The following VPS13B variants were observed in gnomAD, a reference collection of about 807,000 sequenced individuals.
The protein encoded by VPS13B is vacuolar protein sorting 13 homolog B, also known as intermembrane lipid transfer protein VPS13B.
In VPS13B, 285 loss-of-function variants were observed where a neutral mutation model predicts 426.4. The observed-to-expected ratio is 0.67, with a 90% CI of 0.61 to 0.74. VPS13B has a LOEUF of 0.74. Ranked by LOEUF, VPS13B falls within the 30% of genes least tolerant of loss-of-function variation. The pLI, the probability that VPS13B is intolerant of heterozygous loss-of-function variation, is 0.00. For missense variants in VPS13B, 4,537 were observed against 4,782.6 expected, an observed-to-expected ratio of 0.95 and a Z score of 1.51; for synonymous variants, 1,676 against 1,676.4, an observed-to-expected ratio of 1.00 and a Z score of 0.01.
rs535148400 is a variant in VPS13B at position 99,181,006 on chromosome 8, A to G, written c.2333+10843A>G. On this transcript the variant is annotated intron_variant, in intron 16 of 61. Transcript: ENST00000357162. ...AACTTTTCTGCTGTACAGCTTGACT[A>G]TATCCATCAAAATCTGTAAGCATGA... Among the ~76,000 whole-genome samples the G allele has an allele frequency of 4.6e-4, 70 of 152,330 alleles. 1 individual carries two copies. The highest frequency in any genetic ancestry group is 1.7e-3 in the African/African-American group (69 of 41,594).
chr8:99,763,761 AAG>A (rs1298713621), intron 39 of VPS13B, among the ~76,000 whole-genome samples: 3 of 152,196 alleles, frequency 2.0e-5, no homozygotes, highest in Non-Finnish European at 2.9e-5. Context: ...AAAGCAAGAA[AAG>A]AGAGAATTTC....
At chr8:99,263,828 T>TG (rs1004575080) in intron 17 of VPS13B, among the ~76,000 whole-genome samples, 16 of 152,214 alleles carry the variant, frequency 1.1e-4, no homozygotes, top group African/African-American at 1.9e-4. Flanking sequence ...TGAACATCTT[T>TG]GGGGGGGACC....
chr8:99,333,462 G>A (rs1372099844), intron 19 of VPS13B, among the ~76,000 whole-genome samples: 1 of 151,746 alleles, frequency 6.6e-6, no homozygotes, highest in African/African-American at 2.4e-5. Context: ...CCAGGATACT[G>A]ACATTGATAC....
chr8:99,386,938 C>T (rs1814158125), intron 20 of VPS13B, among the ~76,000 whole-genome samples: 1 of 152,114 alleles, frequency 6.6e-6, no homozygotes, highest in South Asian at 2.1e-4. Context: ...CACTGTACTC[C>T]AGCCTGGGCA....
At chr8:99,055,431 A>G (rs959180906) in intron 3 of VPS13B, among the ~76,000 whole-genome samples, 1 of 152,180 alleles carries the variant, frequency 6.6e-6, no homozygotes, top group Admixed American at 6.5e-5. Flanking sequence ...TCAAAAGGCC[A>G]TTGGAATTAT....
chr8:99,086,881 C>G (rs930292902), intron 3 of VPS13B, among the ~76,000 whole-genome samples: 1 of 152,148 alleles, frequency 6.6e-6, no homozygotes, highest in African/African-American at 2.4e-5. Context: ...GGGGGTGCCT[C>G]CCAGTTAGGC....
chr8:99,821,595 C>T, intron 50 of VPS13B, 113 bp downstream of exon 50: 1 of 1,229,016 alleles, frequency 8.1e-7, no homozygotes, highest in South Asian at 1.2e-5. Context: ...TTCTTCTAAA[C>T]AATTTATAAC....
chr8:99,691,624 A>G (rs1315543996), intron 35 of VPS13B, among the ~76,000 whole-genome samples: 1 of 151,610 alleles, frequency 6.6e-6, no homozygotes, highest in South Asian at 2.1e-4. Context: ...CTAGGAAGAA[A>G]CTGCATCAAC....
intron 54 of VPS13B, among the ~76,000 whole-genome samples, chr8:99,837,266 G>A (rs554898123): frequency 3.3e-5 from 5 of 152,114 alleles, no homozygotes; most frequent in African/African-American, 4.8e-5. Context: ...GGAGACCTGC[G>A]TTTGTAGTGG....
chr8:99,459,417 T>C (rs1818712334), intron 23 of VPS13B, among the ~76,000 whole-genome samples: 1 of 152,184 alleles, frequency 6.6e-6, no homozygotes, highest in Non-Finnish European at 1.5e-5. Context: ...CACTTAACAA[T>C]ATGTTCTGAG....
At chr8:99,132,289 C>T (rs114260473) in intron 8 of VPS13B, among the ~76,000 whole-genome samples, 1,561 of 152,220 alleles carry the variant, frequency 0.01, 36 homozygotes, top group African/African-American at 0.035. Flanking sequence ...CTAAATTCAT[C>T]GTCATTTCAA....
In VPS13B at chr8:99,416,729, C is replaced by T. The variant is rs1167928109; in HGVS notation, c.3083-14808C>T. Among the ~76,000 whole-genome samples the T allele has an allele frequency of 2.0e-5, 3 of 152,132 alleles. No homozygotes were observed. In the South Asian group the frequency reaches 6.2e-4, roughly 32 times the overall value. Reference sequence around the variant, plus strand: ...GGCGATGCCCCACCTTGCTTCGGCTCACCCTCCCTGGGCTGCATCCACTGC... The same window carrying T: ...GGCGATGCCCCACCTTGCTTCGGCTTACCCTCCCTGGGCTGCATCCACTGC... On this transcript the variant is annotated intron_variant, in intron 21 of 61. Coordinates refer to ENST00000357162, the MANE Select transcript of VPS13B (RefSeq NM_152564.5).
intron 43 of VPS13B, among the ~76,000 whole-genome samples, chr8:99,805,045 A>G: frequency 6.7e-6 from 1 of 149,250 alleles, no homozygotes. Flanking sequence ...TATATAAATA[A>G]TATATAAAAA....
chr8:99,480,937 A>G (rs1342264895), intron 24 of VPS13B, among the ~76,000 whole-genome samples: 1 of 152,200 alleles, frequency 6.6e-6, no homozygotes, highest in Non-Finnish European at 1.5e-5. Context: ...CTACGTTGTC[A>G]TACAAATTTC....
intron 2 of VPS13B, among the ~76,000 whole-genome samples, chr8:99,035,997 A>G (rs1474173765): frequency 1.3e-5 from 2 of 152,174 alleles, no homozygotes; most frequent in African/African-American, 4.8e-5. Context: ...AAATAGAATT[A>G]TTGTTATTTT....
At chr8:99,348,065 A>T (rs1811642073) in intron 19 of VPS13B, 1 of 152,104 alleles carries the variant, frequency 6.6e-6, no homozygotes. Context: ...GGTACATCTT[A>T]CTCTGTTCAG....
chr8:99,578,549 A>G (rs1312761329), intron 33 of VPS13B, among the ~76,000 whole-genome samples: 1 of 152,086 alleles, frequency 6.6e-6, no homozygotes, highest in Non-Finnish European at 1.5e-5. Context: ...TTTACTAGCC[A>G]TGATATCTAT....
chr8:99,734,304 T>G lies in VPS13B; in HGVS notation c.7050+13257T>G, dbSNP rs1185691117. On this transcript the variant is annotated intron_variant, in intron 39 of 61. Coordinates refer to ENST00000357162, the MANE Select transcript of VPS13B (RefSeq NM_152564.5). ...CATTTGAGTGTTTGAACTTTTTGAA[T>G]CCTTATTTACTTTACTTAGACTCTG... 2.6e-5 allele frequency among the ~76,000 whole-genome samples: 4 copies of G among 152,222 alleles called. No homozygotes were observed. The East Asian group carries it at 7.7e-4, about 29-fold the overall frequency.
intron 43 of VPS13B, chr8:99,796,548 T>C (rs1812828713): frequency 6.6e-6 from 1 of 152,204 alleles, no homozygotes; most frequent in Non-Finnish European, 1.5e-5. Flanking sequence ...AGTGGAAGGA[T>C]TGACCTTGAA....
Sources: allele counts gnomAD v4.1 joint callset (sites outside exome capture counted in the v4.1 genomes callset), GRCh38; gene constraint gnomAD v4.1.1; transcripts MANE v1.5; gene names NCBI Gene and HGNC (gene_info 2026-07-23, HGNC 2026-07-21).